The following KHDRBS3 variants were observed in gnomAD, a reference collection of about 807,000 sequenced individuals.
The protein encoded by KHDRBS3 is KH RNA binding domain containing, signal transduction associated 3.
In KHDRBS3, 23 loss-of-function variants were observed where a neutral mutation model predicts 45.6. The observed-to-expected ratio is 0.50, with a 90% CI of 0.36 to 0.72. KHDRBS3 has a LOEUF of 0.72. KHDRBS3 is among the 30% of genes least tolerant of loss of function. KHDRBS3 has a pLI of 0.00. For synonymous variants in KHDRBS3, 162 were observed against 156.5 expected, an observed-to-expected ratio of 1.04 and a Z score of -0.26; for missense variants, 352 against 424.8, an observed-to-expected ratio of 0.83 and a Z score of 1.51.
At chr8:135,638,959 C>T (rs981852137) in intron 7 of KHDRBS3, among the ~76,000 whole-genome samples, 1 of 139,150 alleles carries the variant, frequency 7.2e-6, no homozygotes, top group Non-Finnish European at 1.5e-5. Context: ...GAGAGTGAGA[C>T]TCCGTCTCAA....
At position 135,642,598 on chromosome 8, in the gene KHDRBS3, A is replaced by G. The variant is rs530846311; in HGVS notation, c.891-2461A>G. ...TCAGCTGTAGTAGTGACTATTCTGT[A>G]ATGTGTTAAGCCAGCGGAGCTTAAC... On this transcript the variant is annotated intron_variant, in intron 7 of 8. Coordinates refer to ENST00000355849, the MANE Select transcript of KHDRBS3 (RefSeq NM_006558.3). 7.2e-5 allele frequency among the ~76,000 whole-genome samples: 11 copies of G among 152,308 alleles called. No homozygotes were observed. In the South Asian group the frequency reaches 2.3e-3, roughly 32 times the overall value.
chr8:135,495,648 G>A (rs1215215451), intron 1 of KHDRBS3, among the ~76,000 whole-genome samples: 1 of 152,138 alleles, frequency 6.6e-6, no homozygotes, highest in African/African-American at 2.4e-5. Flanking sequence ...ATTCCACCAT[G>A]ATTTTTTTCT....
In KHDRBS3 at chr8:135,513,530, A is replaced by C. The variant is rs531142511; in HGVS notation, c.89-7707A>C. 3.3e-5 allele frequency among the ~76,000 whole-genome samples: 5 copies of C among 152,298 alleles called. No homozygotes were observed. In the South Asian group the frequency reaches 8.3e-4, roughly 25 times the overall value. ...CAGGGATTCAAACTCAAGCAGTTGG[A>C]GTCTGGCTGCATTATTTCAAAGACT... On this transcript the variant is annotated intron_variant, in intron 1 of 8. Coordinates refer to ENST00000355849, the MANE Select transcript of KHDRBS3 (RefSeq NM_006558.3).
chr8:135,528,807 C>T (rs1433619377), intron 2 of KHDRBS3, among the ~76,000 whole-genome samples: 1 of 152,164 alleles, frequency 6.6e-6, no homozygotes, highest in African/African-American at 2.4e-5. Context: ...GCAAAAAGAG[C>T]CTCAGCTAAT....
chr8:135,511,619 G>A lies in KHDRBS3; in HGVS notation c.89-9618G>A, dbSNP rs769126031. On this transcript the variant is annotated intron_variant, in intron 1 of 8. Coordinates refer to ENST00000355849, the MANE Select transcript of KHDRBS3 (RefSeq NM_006558.3). Reference sequence around the variant, plus strand: ...CACCCAGGCTGGAGTGCAGTGGCGCGATCTCGGCTCACTGCAAGCCCCGCC... The same window carrying A: ...CACCCAGGCTGGAGTGCAGTGGCGCAATCTCGGCTCACTGCAAGCCCCGCC... Among the ~76,000 whole-genome samples the A allele has an allele frequency of 3.9e-5, 6 of 152,080 alleles. No individual in the cohort carries two copies. In the Middle Eastern group the frequency reaches 0.014, roughly 345 times the overall value.
At chr8:135,509,144 G>A (rs2130566223) in intron 1 of KHDRBS3, among the ~76,000 whole-genome samples, 1 of 152,282 alleles carries the variant, frequency 6.6e-6, no homozygotes, top group East Asian at 1.9e-4. Context: ...CTTAGTAAAT[G>A]GGGGTCATTA....
chr8:135,587,217 C>G (rs1170812434), intron 6 of KHDRBS3, among the ~76,000 whole-genome samples: 1 of 152,202 alleles, frequency 6.6e-6, no homozygotes, highest in Non-Finnish European at 1.5e-5. Context: ...TCTGAGCCAA[C>G]TGTTCTTCAT....
chr8:135,650,415 A>T (rs145284351), downstream of KHDRBS3, among the ~76,000 whole-genome samples: 70 of 152,358 alleles, frequency 4.6e-4, 2 homozygotes, highest in African/African-American at 1.6e-3. Flanking sequence ...TTGGTATCAT[A>T]TGACACATAT....
chr8:135,606,457 G>A (rs935788982), intron 6 of KHDRBS3, among the ~76,000 whole-genome samples: 1 of 152,164 alleles, frequency 6.6e-6, no homozygotes, highest in African/African-American at 2.4e-5. Flanking sequence ...TGCAAGGGGT[G>A]AAGTCTGAGT....
chr8:135,534,319 A>T (rs1731091429), intron 2 of KHDRBS3, among the ~76,000 whole-genome samples: 1 of 151,678 alleles, frequency 6.6e-6, no homozygotes, highest in African/African-American at 2.4e-5. Flanking sequence ...GCTTCCTTTC[A>T]TCTCCCTGTG....
At chr8:135,485,868 A>ATATATATATATATATATATATATATT (rs1563713994) in intron 1 of KHDRBS3, among the ~76,000 whole-genome samples, 3 of 141,214 alleles carry the variant, frequency 2.1e-5, no homozygotes, top group Non-Finnish European at 3.1e-5. Context: ...ATATATATAT[A>ATATATATATATATATATATATATATT]TTTTATTTTT....
rs1272277459 is a variant in KHDRBS3, at chr8:135,536,986, AAAAAAAAAAAAGG to A, written c.208-5666_208-5654del. On this transcript the variant is annotated intron_variant, in intron 2 of 8. Transcript: ENST00000355849. ...CATCTCAAAAAAAAAAAAAAAAAAA[AAAAAAAAAAAAGG>A]AGATGTTTAGGAGGTAAAATCATTA... 4.6e-3 allele frequency among the ~76,000 whole-genome samples: 219 copies of A among 47,864 alleles called. 23 individuals are homozygous for A. Among genetic ancestry groups the A allele is most frequent in the East Asian group, 0.031 (10 of 320 alleles). 31.4% of individuals were successfully genotyped at this position (47,864 alleles called of 152,430 possible). A position where few individuals can be genotyped will look rare whatever the true frequency, so the allele number is the denominator to read the frequency against.
At chr8:135,599,636 G>A (rs1236466798) in intron 6 of KHDRBS3, among the ~76,000 whole-genome samples, 1 of 152,154 alleles carries the variant, frequency 6.6e-6, no homozygotes, top group African/African-American at 2.4e-5. Flanking sequence ...TAGACACTGG[G>A]AATACAAGAG....
intron 1 of KHDRBS3, among the ~76,000 whole-genome samples, chr8:135,474,826 T>C (rs1265087241): frequency 6.6e-6 from 1 of 152,242 alleles, no homozygotes; most frequent in African/African-American, 2.4e-5. Flanking sequence ...CATGGGGTCC[T>C]GGAGCTCAGA....
chr8:135,568,726 A>C (rs1162898923), intron 5 of KHDRBS3, among the ~76,000 whole-genome samples: 1 of 152,228 alleles, frequency 6.6e-6, no homozygotes, highest in East Asian at 1.9e-4. Flanking sequence ...TGAAACAATC[A>C]ATGGAAACCT....
At chr8:135,641,965 CTCT>C (rs546577314) in intron 7 of KHDRBS3, among the ~76,000 whole-genome samples, 203 of 152,200 alleles carry the variant, frequency 1.3e-3, no homozygotes, top group Middle Eastern at 3.4e-3. Context: ...CAGTTAGTCC[CTCT>C]TCTTCTCACC....
At chr8:135,557,290 T>G (rs1826935420) in intron 4 of KHDRBS3, among the ~76,000 whole-genome samples, 158 bp from the exon 5 acceptor site, 1 of 152,240 alleles carries the variant, frequency 6.6e-6, no homozygotes, top group African/African-American at 2.4e-5. Flanking sequence ...TACAAGAATT[T>G]ATTATCACAT....
At chr8:135,607,617 T>C (rs974324079) in intron 7 of KHDRBS3, among the ~76,000 whole-genome samples, 3 of 152,250 alleles carry the variant, frequency 2.0e-5, no homozygotes, top group Admixed American at 6.5e-5. Flanking sequence ...TTGATGTTCA[T>C]TGATACATGA....
intron 5 of KHDRBS3, among the ~76,000 whole-genome samples, chr8:135,574,568 G>C (rs924931877): frequency 6.6e-6 from 1 of 152,074 alleles, no homozygotes; most frequent in Non-Finnish European, 1.5e-5. Flanking sequence ...TATTCAAGAA[G>C]CATATTGAAT....
Sources: gnomAD v4.1 joint callset for allele counts (sites outside exome capture counted in the v4.1 genomes callset) on GRCh38, gnomAD v4.1.1 for gene constraint, MANE v1.5 for transcripts, NCBI Gene and HGNC (gene_info 2026-07-23, HGNC 2026-07-21) for gene names.